GRK5: variants seen among roughly 807,000 people sequenced by gnomAD.
GRK5 encodes the protein g protein-coupled receptor kinase GRK5.
GRK5 carries 40 observed loss-of-function variants against 78.4 expected under a neutral mutation model. The ratio of observed to expected loss-of-function variants is 0.51; its 90% CI spans 0.40 to 0.66. GRK5 has a LOEUF of 0.66. Among genes scored for constraint, GRK5 ranks in the 30% least tolerant of loss-of-function variants. The pLI is 0.00. For missense variants in GRK5, 598 were observed against 759.9 expected (o/e 0.79, Z 2.50); for synonymous variants, 289 against 296.8 (o/e 0.97, Z 0.27).
At chr10:119,428,753 A>G (rs1402691833) in intron 6 of GRK5, among the ~76,000 whole-genome samples, 1 of 152,164 alleles carries the variant, frequency 6.6e-6, no homozygotes, top group African/African-American at 2.4e-5. Flanking sequence ...AAGTTTTTGG[A>G]GCCTGTAGGG....
intron 6 of GRK5, 68 bp downstream of exon 6, chr10:119,425,153 A>G: frequency 1.7e-6 from 2 of 1,193,226 alleles, no homozygotes; most frequent in Non-Finnish European, 2.5e-6. Context: ...GAGAATTCAT[A>G]TAAAAATCAG....
rs538668641 is a variant in GRK5 at position 119,260,213 on chromosome 10, G to A, written c.52+52244G>A. 2.3e-3 allele frequency among the ~76,000 whole-genome samples: 352 copies of A among 152,244 alleles called. 1 individual carries two copies. Among genetic ancestry groups the A allele is most frequent in the Middle Eastern group, 3.4e-3 (1 of 294 alleles). ...AGATGGGGTTTCATCGTGTTAGCCA[G>A]GATGGTCTCGATCTCCTGACCTCGT... On this transcript the variant is annotated intron_variant, in intron 1 of 15. Transcript: ENST00000392870.
intron 13 of GRK5, among the ~76,000 whole-genome samples, chr10:119,450,396 C>G (rs1564940662): frequency 6.6e-6 from 1 of 152,306 alleles, no homozygotes; most frequent in East Asian, 1.9e-4. Flanking sequence ...TTGGTTGTTT[C>G]CAGTCTGAAG....
At chr10:119,322,487 C>T (rs1208894898) in intron 1 of GRK5, among the ~76,000 whole-genome samples, 2 of 152,214 alleles carry the variant, frequency 1.3e-5, no homozygotes, top group African/African-American at 4.8e-5. Flanking sequence ...TCCCTGCTAG[C>T]GACACTGTGT....
chr10:119,326,638 C>T (rs572157375), intron 2 of GRK5, 27 bp downstream of exon 2: 54 of 1,546,180 alleles, frequency 3.5e-5, no homozygotes, highest in African/African-American at 1.6e-4. Flanking sequence ...GGGGGCTGTG[C>T]GGGGAGTGAG....
chr10:119,352,849 A>G (rs1851207272), intron 2 of GRK5, among the ~76,000 whole-genome samples: 1 of 152,228 alleles, frequency 6.6e-6, no homozygotes, highest in Non-Finnish European at 1.5e-5. Context: ...TAAGCTCAGC[A>G]GAGCCCCGTA....
intron 3 of GRK5, among the ~76,000 whole-genome samples, chr10:119,394,218 ACGTGTGGGTGTGGG>A (rs1851948288): frequency 1.4e-5 from 1 of 72,178 alleles, no homozygotes; most frequent in Non-Finnish European, 2.7e-5. Flanking sequence ...GTGTGTGGGT[ACGTGTGGGTGTGGG>A]TGTGTGGGTG....
Position 119,267,398 on chromosome 10 carries a change from C to T in GRK5, c.53-59118C>T, listed in dbSNP as rs1030615853. On this transcript the variant is annotated intron_variant, in intron 1 of 15. Coordinates refer to ENST00000392870, the MANE Select transcript of GRK5 (RefSeq NM_005308.3). The surrounding 1 kb of genome is among the most constrained non-coding windows in gnomAD (Gnocchi z 4.1). Reference sequence around the variant, plus strand: ...TGCCTAGCTGTGTTTTGTTGTCTGGCGCTGCTTTAGATGACCCCTGCTGCT... The same window carrying T: ...TGCCTAGCTGTGTTTTGTTGTCTGGTGCTGCTTTAGATGACCCCTGCTGCT... Among the ~76,000 whole-genome samples the T allele has an allele frequency of 1.3e-5, 2 of 152,156 alleles. No homozygotes were observed. Among genetic ancestry groups the T allele is most frequent in the Non-Finnish European group, 2.9e-5 (2 of 68,032 alleles).
At position 119,458,472 on chromosome 10, in the gene GRK5, T is replaced by C. The variant is rs11198935; in HGVS notation, c.*3405T>C. 14,285 of 151,998 alleles carry C rather than the reference T, an allele frequency of 0.094. 956 individuals are homozygous for C. Among genetic ancestry groups the C allele is most frequent in the East Asian group, 0.3 (1,529 of 5,158 alleles). The allele number at this position is 151,998 out of a possible 1,614,324, so 9.4% of individuals were successfully genotyped here. A position where few individuals can be genotyped will look rare whatever the true frequency, so the allele number is the denominator to read the frequency against. The stretch of plus-strand genomic sequence containing the variant: ...AGGGCTGCTCGCTGCTGCTGTGGCC[T>C]GCGCAGCCACGGGAGGCTTCCTGAA... On this transcript the variant is annotated 3_prime_UTR_variant, in exon 16 of 16. Coordinates refer to ENST00000392870, the MANE Select transcript of GRK5 (RefSeq NM_005308.3).
rs78303100 is a variant in GRK5, at chr10:119,452,385, C to T, written c.1405-286C>T. 7,209 of 382,278 alleles carry T rather than the reference C, an allele frequency of 0.019. 476 individuals carry two copies. The highest frequency in any genetic ancestry group is 0.13 in the African/African-American group (6,418 of 49,102). The allele number at this position is 382,278 out of a possible 1,614,324, so 23.7% of individuals were successfully genotyped here. On this transcript the variant is annotated intron_variant, in intron 13 of 15. Coordinates refer to ENST00000392870, the MANE Select transcript of GRK5 (RefSeq NM_005308.3). This position sits in a 1 kb window ranked among gnomAD's most constrained non-coding sequence, Gnocchi z 4.4. Reference sequence around the variant, plus strand: ...CCTGTGTCACCCCAGCCAGGGTCCCCGTCATGGATCTGAGAGAGGGCTGCA... The same window carrying T: ...CCTGTGTCACCCCAGCCAGGGTCCCTGTCATGGATCTGAGAGAGGGCTGCA...
intron 2 of GRK5, among the ~76,000 whole-genome samples, chr10:119,346,902 G>C (rs112485945): frequency 1.3e-5 from 2 of 152,206 alleles, no homozygotes; most frequent in African/African-American, 2.4e-5. Flanking sequence ...CCCGTGTGGA[G>C]GGTATTGCAT....
chr10:119,414,560 G>A (rs915099272), intron 4 of GRK5, among the ~76,000 whole-genome samples: 44 of 152,210 alleles, frequency 2.9e-4, no homozygotes, highest in African/African-American at 9.4e-4. Flanking sequence ...TGGAGTACAT[G>A]CTGGTGCTCA....
chr10:119,231,242 T>TA (rs1330463587), intron 1 of GRK5, among the ~76,000 whole-genome samples: 1 of 151,980 alleles, frequency 6.6e-6, no homozygotes, highest in Non-Finnish European at 1.5e-5. Context: ...ACATTCCTAT[T>TA]AAAAAATGGG....
chr10:119,255,972 T>C (rs565588186), intron 1 of GRK5, among the ~76,000 whole-genome samples: 1 of 152,290 alleles, frequency 6.6e-6, no homozygotes, highest in South Asian at 2.1e-4. Context: ...AGTCTCTCAC[T>C]TTGCTGAACT....
At chr10:119,335,685 C>T (rs1181443082) in intron 2 of GRK5, among the ~76,000 whole-genome samples, 3 of 152,226 alleles carry the variant, frequency 2.0e-5, no homozygotes, top group Non-Finnish European at 2.9e-5. Context: ...TTAAACCAGA[C>T]ACTGGCTAAC....
chr10:119,404,827 G>C (rs1351045520), intron 4 of GRK5, among the ~76,000 whole-genome samples: 1 of 152,192 alleles, frequency 6.6e-6, no homozygotes, highest in African/African-American at 2.4e-5. Flanking sequence ...GACTGCACGG[G>C]CCTCTTACAG....
chr10:119,279,509 G>A (rs1187956881), intron 1 of GRK5, among the ~76,000 whole-genome samples: 1 of 152,124 alleles, frequency 6.6e-6, no homozygotes, highest in Non-Finnish European at 1.5e-5. Flanking sequence ...GGAGGGCTCG[G>A]TGCTACTAGG....
In GRK5 at chr10:119,379,318, G is replaced by A. The variant is rs752484470; in HGVS notation, c.149-1497G>A. Reference sequence around the variant, plus strand: ...GCCCCAGGTTACACAGGCAGTGAGCGATGGGCTGGGATTCAAACCAAGGCA... The same window carrying A: ...GCCCCAGGTTACACAGGCAGTGAGCAATGGGCTGGGATTCAAACCAAGGCA... On this transcript the variant is annotated intron_variant, in intron 2 of 15. Coordinates refer to ENST00000392870, the MANE Select transcript of GRK5 (RefSeq NM_005308.3). This position sits in a 1 kb window ranked among gnomAD's most constrained non-coding sequence, Gnocchi z 4.1. 6.6e-6 allele frequency among the ~76,000 whole-genome samples: 1 copy of A among 152,086 alleles called. No homozygotes were observed. The highest frequency in any genetic ancestry group is 2.4e-5 in the African/African-American group (1 of 41,404).
At chr10:119,343,148 C>G (rs1050046135) in intron 2 of GRK5, among the ~76,000 whole-genome samples, 3 of 152,156 alleles carry the variant, frequency 2.0e-5, no homozygotes, top group Non-Finnish European at 4.4e-5. Flanking sequence ...CAGCCCTGTG[C>G]AAGTGTGCAA....
Sources: gnomAD v4.1 joint callset for allele counts (sites outside exome capture counted in the v4.1 genomes callset) on GRCh38, gnomAD v4.1.1 for gene constraint, Gnocchi (gnomAD v3.1) non-coding constraint, MANE v1.5 for transcripts, NCBI Gene and HGNC (gene_info 2026-07-23, HGNC 2026-07-21) for gene names.